The following PCDHA2 variants were observed in gnomAD, a reference collection of about 807,000 sequenced individuals.
PCDHA2 encodes protocadherin alpha 2, also known as protocadherin alpha-2.
In PCDHA2, 58 loss-of-function variants were observed where a neutral mutation model predicts 66.0. The ratio of observed to expected loss-of-function variants is 0.88; its 90% CI spans 0.71 to 1.09. The LOEUF (loss-of-function observed/expected upper bound fraction) is 1.09, where lower values mean the gene tolerates loss of function less well. Among genes scored for constraint, PCDHA2 ranks in the 50% least tolerant of loss-of-function variants. The pLI is 0.00. For missense variants in PCDHA2, 1,267 were observed against 1,242.3 expected, an observed-to-expected ratio of 1.02 and a Z score of -0.30; for synonymous variants, 634 against 554.0, an observed-to-expected ratio of 1.14 and a Z score of -2.03.
At chr5:140,804,527 CT>C (rs1458069805) in intron 1 of PCDHA2, 1 of 152,098 alleles carries the variant, frequency 6.6e-6, no homozygotes, top group Non-Finnish European at 1.5e-5. Context: ...ACTAGCAAAA[CT>C]TTTTATTCAT....
intron 1 of PCDHA2, among the ~76,000 whole-genome samples, chr5:140,893,033 A>G (rs1246631946): frequency 1.3e-5 from 2 of 152,230 alleles, no homozygotes; most frequent in African/African-American, 2.4e-5. Flanking sequence ...TTCACTTAAC[A>G]TATGCCCTCC....
chr5:140,942,359 C>T (rs943225700), intron 1 of PCDHA2, among the ~76,000 whole-genome samples: 5 of 151,564 alleles, frequency 3.3e-5, no homozygotes, highest in Non-Finnish European at 5.9e-5. Flanking sequence ...TTGCAGTTAA[C>T]GGAGATTGCA....
chr5:140,918,989 GTGT>G (rs2078966617), intron 1 of PCDHA2, among the ~76,000 whole-genome samples: 1 of 152,178 alleles, frequency 6.6e-6, no homozygotes, highest in Non-Finnish European at 1.5e-5. Context: ...TTGGTTTTTA[GTGT>G]TGTTCACATC....
chr5:140,971,702 T>G (rs1411821487), intron 1 of PCDHA2, among the ~76,000 whole-genome samples: 6 of 152,138 alleles, frequency 3.9e-5, no homozygotes, highest in African/African-American at 1.4e-4. Flanking sequence ...CTAACCACCC[T>G]GCTATATAGA....
In PCDHA2 at chr5:140,852,588, T is replaced by TTA. The variant is rs1554145946; in HGVS notation, c.2388+55237_2388+55238insAT. On this transcript the variant is annotated intron_variant, in intron 1 of 3. Coordinates refer to ENST00000526136, the MANE Select transcript of PCDHA2 (RefSeq NM_018905.3). ...ACTGTGCCAAGGCTTTTTTATTTTTTTTTTTTGTCATTTTCTTTCAAAACT... is the reference window on the plus strand; with the variant it reads ...ACTGTGCCAAGGCTTTTTTATTTTTTTATTTTTTGTCATTTTCTTTCAAAACT... 1.7e-5 allele frequency: 15 copies of TTA among 881,508 alleles called. 1 individual carries two copies. The highest frequency in any genetic ancestry group is 1.9e-5 in the Non-Finnish European group (14 of 723,686). The allele number at this position is 881,508 out of a possible 1,614,324, so 54.6% of individuals were successfully genotyped here. A position where few individuals can be genotyped will look rare whatever the true frequency, so the allele number is the denominator to read the frequency against.
intron 1 of PCDHA2, chr5:140,926,708 C>G (rs1554203635): frequency 2.2e-6 from 2 of 896,142 alleles, no homozygotes; most frequent in South Asian, 5.3e-5. Context: ...CCCAGCTGGC[C>G]AGCCCCGGCA....
At chr5:140,960,179 G>A (rs1379423809) in intron 1 of PCDHA2, among the ~76,000 whole-genome samples, 1 of 152,106 alleles carries the variant, frequency 6.6e-6, no homozygotes, top group Non-Finnish European at 1.5e-5. Flanking sequence ...TAAGTTAGGG[G>A]TTGCATGTGT....
chr5:140,897,781 T>G (rs1437567567), intron 1 of PCDHA2, among the ~76,000 whole-genome samples: 1 of 152,172 alleles, frequency 6.6e-6, no homozygotes, highest in East Asian at 1.9e-4. Flanking sequence ...TCCACAATGG[T>G]TGAACTAGTT....
intron 1 of PCDHA2, chr5:140,842,493 C>T (rs1554139100): frequency 6.2e-7 from 1 of 1,613,738 alleles, no homozygotes; most frequent in Non-Finnish European, 8.5e-7. Context: ...TCCCTGATGC[C>T]CCATGTCCCC....
intron 1 of PCDHA2, chr5:140,807,545 G>C: frequency 6.2e-7 from 1 of 1,614,188 alleles, no homozygotes; most frequent in Non-Finnish European, 8.5e-7. Flanking sequence ...TTTCCATGTG[G>C]ACGTGGAGGT....
intron 1 of PCDHA2, chr5:140,859,624 G>C (rs11749013): frequency 0.2 from 31,664 of 160,658 alleles, 6,158 homozygotes; most frequent in Middle Eastern, 0.25. Context: ...TTCTCTTTGA[G>C]TATGGAGATT....
At chr5:140,803,528 T>C (rs1581662302) in intron 1 of PCDHA2, 2 of 1,614,204 alleles carry the variant, frequency 1.2e-6, no homozygotes, top group East Asian at 2.2e-5. Flanking sequence ...CTAGCCTTCC[T>C]CCTTGTCCAA....
intron 1 of PCDHA2, chr5:140,967,145 A>C: frequency 1.2e-6 from 2 of 1,610,892 alleles, no homozygotes; most frequent in Non-Finnish European, 8.5e-7. Context: ...GCTGGCGCAC[A>C]ACCCCGTGGC....
intron 3 of PCDHA2, among the ~76,000 whole-genome samples, chr5:140,994,938 C>T (rs2097656507): frequency 6.6e-6 from 1 of 152,232 alleles, no homozygotes; most frequent in East Asian, 1.9e-4. Context: ...CCTTAAACAT[C>T]CTGCTAAATA....
At chr5:140,836,531 G>A in intron 1 of PCDHA2, 2 of 1,613,844 alleles carry the variant, frequency 1.2e-6, no homozygotes, top group South Asian at 2.2e-5. Context: ...TTACCCTGCT[G>A]CTGTACACGG....
chr5:140,841,597 C>A, intron 1 of PCDHA2: 1 of 1,614,076 alleles, frequency 6.2e-7, no homozygotes, highest in Admixed American at 1.7e-5. Flanking sequence ...GGATCGACCG[C>A]GAGGAGCTGT....
At chr5:140,981,849 T>C (rs1460050544) in intron 2 of PCDHA2, among the ~76,000 whole-genome samples, 2 of 152,202 alleles carry the variant, frequency 1.3e-5, no homozygotes, top group African/African-American at 4.8e-5. Flanking sequence ...AGTTTGTATC[T>C]CACTCCCAGC....
chr5:140,852,162 G>A (rs1421376146), intron 1 of PCDHA2: 3 of 836,824 alleles, frequency 3.6e-6, no homozygotes, highest in Non-Finnish European at 4.4e-6. Flanking sequence ...CTTGAGAATA[G>A]AGCCACAAAA....
rs1554164208 is a variant in PCDHA2 at position 140,870,406 on chromosome 5, T to G, written c.2388+73054T>G. ...GCGGGATGGGGGTTCGCCTTCTCTG[T>G]GGGCCACGGCCAGGGTATCCGTGGA... On this transcript the variant is annotated intron_variant, in intron 1 of 3. Transcript: ENST00000526136. 1.2e-5 allele frequency: 20 copies of G among 1,614,192 alleles called. No individual in the cohort carries two copies. The highest frequency in any genetic ancestry group is 1.5e-5 in the Non-Finnish European group (18 of 1,180,034).
Sources: allele counts gnomAD v4.1 joint callset (sites outside exome capture counted in the v4.1 genomes callset), GRCh38; gene constraint gnomAD v4.1.1; transcripts MANE v1.5; gene names NCBI Gene and HGNC (gene_info 2026-07-23, HGNC 2026-07-21).